The following PARP1 variants were observed in gnomAD, a reference collection of about 807,000 sequenced individuals.
PARP1 encodes the protein poly(ADP-ribose) polymerase 1, also known as poly [ADP-ribose] polymerase 1.
Under a neutral mutation model 118.7 loss-of-function variants are expected in PARP1, and 44 were observed. The ratio of observed to expected loss-of-function variants is 0.37; its 90% CI spans 0.29 to 0.48. PARP1 has a LOEUF of 0.48. Among genes scored for constraint, PARP1 ranks in the 20% least tolerant of loss-of-function variants. The pLI is 0.99. For synonymous variants in PARP1, 492 were observed against 483.2 expected (o/e 1.02, Z -0.24); for missense variants, 1,100 against 1,272.4 (o/e 0.86, Z 2.06).
chr1:226,388,789 A>G (rs1000226311), intron 4 of PARP1, 34 bp from the exon 5 acceptor site: 16 of 1,528,756 alleles, frequency 1.0e-5, no homozygotes, highest in Non-Finnish European at 1.5e-5. Flanking sequence ...AGACAGCCAG[A>G]GCCATTAAAA....
At chr1:226,376,334 T>C (rs892329202) in intron 13 of PARP1, among the ~76,000 whole-genome samples, 19 of 152,236 alleles carry the variant, frequency 1.2e-4, no homozygotes, top group South Asian at 4.2e-4. Flanking sequence ...TGTCAACCAA[T>C]AGACAAATGA....
chr1:226,375,703 C>T (rs1408351387), intron 13 of PARP1, among the ~76,000 whole-genome samples: 2 of 152,142 alleles, frequency 1.3e-5, no homozygotes, highest in South Asian at 4.1e-4. Context: ...TTAAATAATG[C>T]CAAGATTAAT....
At chr1:226,385,094 G>A (rs1470851444) in intron 7 of PARP1, among the ~76,000 whole-genome samples, 2 of 152,122 alleles carry the variant, frequency 1.3e-5, no homozygotes, top group Non-Finnish European at 2.9e-5. Context: ...TAGGAGATAC[G>A]TGAACCCTGG....
chr1:226,362,011 C>A lies in PARP1; in HGVS notation c.2921G>T (p.Gly974Val), dbSNP rs771750970. The change falls in exon 22 of 23, where the codon GGG becomes GTG. Residue 974 changes from glycine (G) to valine (V), a missense_variant. By Grantham distance (109) the Gly-to-Val change is moderately radical. Coordinates refer to ENST00000366794, the MANE Select transcript of PARP1 (RefSeq NM_001618.4). ...LDGVDVPLGT[G>V]ISSGVNDTSL... ...GGTGTCATTCACACCAGATGAAATC[C>A]CGGTCCCAAGAGGAACGTCTACACC... 18 of 1,612,904 alleles carry A rather than the reference C, an allele frequency of 1.1e-5. No individual in the cohort carries two copies. Among genetic ancestry groups the A allele is most frequent in the Non-Finnish European group, 1.7e-6 (2 of 1,179,092 alleles).
chr1:226,386,318 C>G lies in PARP1; in HGVS notation c.834+8G>C. On this transcript the variant is annotated splice_region_variant and intron_variant, in intron 6 of 22. Coordinates refer to ENST00000366794, the MANE Select transcript of PARP1 (RefSeq NM_001618.4). ...ATGCGTGTCCCACTTAACACAAAGG[C>G]AGCTCACCGCCGACTCCCCAGAAGG... 6.4e-7 allele frequency: 1 copy of G among 1,559,566 alleles called. No homozygotes were observed. The highest frequency in any genetic ancestry group is 1.1e-5 in the South Asian group (1 of 89,984).
rs1408648466 is a variant in PARP1, at chr1:226,374,368, G to C, written c.1942-14C>G. ...TGCCTCTTCATCCTTCAGGAAAAAAGCACATTGCTAAGAGACCCAAATCAA... is the reference window on the plus strand; with the variant it reads ...TGCCTCTTCATCCTTCAGGAAAAAACCACATTGCTAAGAGACCCAAATCAA... On this transcript the variant is annotated splice_polypyrimidine_tract_variant and intron_variant, in intron 13 of 22. Transcript: ENST00000366794. 6.2e-7 allele frequency: 1 copy of C among 1,614,112 alleles called. No homozygotes were observed. Among genetic ancestry groups the C allele is most frequent in the Admixed American group, 1.7e-5 (1 of 60,012 alleles).
At chr1:226,405,827 C>T (rs887773263) in intron 1 of PARP1, among the ~76,000 whole-genome samples, 3 of 152,040 alleles carry the variant, frequency 2.0e-5, no homozygotes, top group African/African-American at 4.8e-5. Flanking sequence ...TAAAAAGGCT[C>T]GCAAATGGCC....
At chr1:226,381,782 G>A (rs554415615) in intron 8 of PARP1, among the ~76,000 whole-genome samples, 1 of 152,224 alleles carries the variant, frequency 6.6e-6, no homozygotes, top group Non-Finnish European at 1.5e-5. Context: ...TGTGCCTTCT[G>A]TTCACAGCAA....
intron 8 of PARP1, 128 bp downstream of exon 8, chr1:226,382,908 C>T (rs1480433605): frequency 8.5e-6 from 9 of 1,053,806 alleles, no homozygotes; most frequent in Non-Finnish European, 1.3e-5. Flanking sequence ...GGCAAGGCTT[C>T]CCCATGGTGG....
chr1:226,370,532 G>A lies in PARP1; in HGVS notation c.2071-15C>T. On this transcript the variant is annotated splice_polypyrimidine_tract_variant and intron_variant, in intron 14 of 22. Coordinates refer to ENST00000366794, the MANE Select transcript of PARP1 (RefSeq NM_001618.4). ...TGAAGGTCGATCTGAGGAGACAGGG[G>A]ATTTCGCTCTGAAAGCTGGGCACTG... is the stretch of plus-strand genomic sequence containing the variant. The A allele has an allele frequency of 6.2e-7, 1 of 1,606,940 alleles. No individual in the cohort carries two copies. Among genetic ancestry groups the A allele is most frequent in the African/African-American group, 1.3e-5 (1 of 74,878 alleles).
intron 14 of PARP1, among the ~76,000 whole-genome samples, chr1:226,372,989 C>T (rs1047104854): frequency 5.3e-5 from 8 of 152,172 alleles, no homozygotes; most frequent in African/African-American, 1.9e-4. Context: ...AGCGAACAAG[C>T]CCTGGCCATT....
At chr1:226,363,892 T>G (rs760981173) in intron 20 of PARP1, 51 bp downstream of exon 20, 1 of 1,607,182 alleles carries the variant, frequency 6.2e-7, no homozygotes, top group African/African-American at 1.3e-5. Context: ...CTATAGCCCA[T>G]TCCACCTGTC....
chr1:226,406,173 T>TG (rs1156824104), intron 1 of PARP1, among the ~76,000 whole-genome samples: 9 of 145,734 alleles, frequency 6.2e-5, no homozygotes, highest in Admixed American at 3.7e-4. Flanking sequence ...TTATCACTGG[T>TG]GAAAAAAAAA....
At chr1:226,389,321 G>A (rs1436465289) in intron 4 of PARP1, among the ~76,000 whole-genome samples, 1 of 152,184 alleles carries the variant, frequency 6.6e-6, no homozygotes, top group Non-Finnish European at 1.5e-5. Flanking sequence ...TGCCCCAGCT[G>A]GCTCAGCAAA....
chr1:226,366,083 A>G, intron 17 of PARP1, 31 bp from the exon 18 acceptor site: 3 of 1,443,356 alleles, frequency 2.1e-6, no homozygotes, highest in Non-Finnish European at 2.0e-6. Flanking sequence ...GATTAGCACA[A>G]AAGAGACCCA....
In PARP1 at chr1:226,368,184, G is replaced by A; in HGVS notation, c.2277+15C>T. 6.2e-7 allele frequency: 1 copy of A among 1,614,096 alleles called. No individual in the cohort carries two copies. The stretch of plus-strand genomic sequence containing the variant: ...GCCCAGCAGACCTGCAGTCCCTTCT[G>A]AACCCTTGCGCTACCTGCACACTGT... On this transcript the variant is annotated intron_variant, in intron 16 of 22. Coordinates refer to ENST00000366794, the MANE Select transcript of PARP1 (RefSeq NM_001618.4).
chr1:226,381,029 A>G, intron 9 of PARP1, 39 bp downstream of exon 9: 1 of 1,611,656 alleles, frequency 6.2e-7, no homozygotes, highest in Non-Finnish European at 8.5e-7. Flanking sequence ...TAAGATACAG[A>G]AGCATTGTCC....
intron 12 of PARP1, among the ~76,000 whole-genome samples, chr1:226,378,139 C>T (rs534945050): frequency 6.6e-6 from 1 of 152,224 alleles, no homozygotes; most frequent in South Asian, 2.1e-4. Context: ...CCTACACCAC[C>T]CTTTCACTTA....
chr1:226,394,917 T>C lies in PARP1; in HGVS notation c.287-2603A>G, dbSNP rs1199780653. On this transcript the variant is annotated intron_variant, in intron 2 of 22. Coordinates refer to ENST00000366794, the MANE Select transcript of PARP1 (RefSeq NM_001618.4). The stretch of plus-strand genomic sequence containing the variant: ...CTGACAAATGACACGATTAAATTAA[T>C]ATGTCAAGTACTTGGAATACTGGAT... Among the ~76,000 whole-genome samples, 3 of 152,226 alleles carry C rather than the reference T, an allele frequency of 2.0e-5. No individual in the cohort carries two copies. The East Asian group carries it at 5.8e-4, about 29-fold the overall frequency.
Sources: gnomAD v4.1 joint callset for allele counts (sites outside exome capture counted in the v4.1 genomes callset) on GRCh38, gnomAD v4.1.1 for gene constraint, MANE v1.5 for transcripts, NCBI Gene and HGNC (gene_info 2026-07-23, HGNC 2026-07-21) for gene names.